Variants in NPC1L1 observed in about 807,000 individuals in gnomAD.
NPC1L1 encodes NPC1-like intracellular cholesterol transporter 1.
A neutral mutation model predicts 117.0 loss-of-function variants in NPC1L1; 98 were observed. The ratio of observed to expected loss-of-function variants is 0.84; its 90% CI spans 0.71 to 0.99. NPC1L1 has a LOEUF of 0.99. Among genes scored for constraint, NPC1L1 ranks in the 50% least tolerant of loss-of-function variants. NPC1L1 has a pLI of 0.00. For synonymous variants in NPC1L1, 729 were observed against 727.6 expected (o/e 1.00, Z -0.03); for missense variants, 1,540 against 1,710.0 (o/e 0.90, Z 1.75).
chr7:44,533,898 A>G, intron 6 of NPC1L1, 45 bp from the exon 7 acceptor site: 1 of 1,517,286 alleles, frequency 6.6e-7, no homozygotes, highest in Non-Finnish European at 9.0e-7. Flanking sequence ...CTCCAAGGGC[A>G]CCGCCCCTCA....
At position 44,516,157 on chromosome 7, in the gene NPC1L1, C is replaced by T. The variant is rs774455528; in HGVS notation, c.3560G>A (p.Arg1187His). The stretch of plus-strand genomic sequence containing the variant: ...GGGCTTGGTGCTGATGGCAAAGGAG[C>T]GGGTAATGTGGGACACAAACTCCAC... ...MSVEFVSHIT[R>H]SFAISTKPTW... Residue 1187 changes from arginine to histidine, a missense_variant, in exon 17 of 19, where the codon CGC becomes CAC. Arg to His is a conservative substitution (Grantham distance 29). Coordinates refer to ENST00000381160, the MANE Select transcript of NPC1L1 (RefSeq NM_001101648.2). 71 of 1,611,630 alleles carry T rather than the reference C, an allele frequency of 4.4e-5. No homozygotes were observed. The highest frequency in any genetic ancestry group is 1.6e-4 in the Middle Eastern group (1 of 6,074).
chr7:44,513,724 C>G, intron 18 of NPC1L1, 75 bp from the exon 19 acceptor site: 1 of 1,527,658 alleles, frequency 6.5e-7, no homozygotes, highest in Non-Finnish European at 8.9e-7. Context: ...TGGTTCTGTA[C>G]AACAAACCCA....
Position 44,531,802 on chromosome 7 carries a change from T to C in NPC1L1, c.2590A>G (p.Met864Val), listed in dbSNP as rs1023071116. ...LALFGVSLYS[M>V]CHISVGLDQE... ...TCCAGTCCCACGCTGATGTGGCACA[T>C]GGAGTAGAGGCTCACTCCGAACAGG... is the stretch of plus-strand genomic sequence containing the variant. Residue 864 changes from methionine to valine, a missense_variant, in exon 10 of 19, where the codon ATG becomes GTG. By Grantham distance (21) the Met-to-Val change is conservative. Around this residue, in one of 3 missense-constraint regions of NPC1L1, gnomAD observed 742 missense variants for 873.6 expected, o/e 0.85. Transcript: ENST00000381160. The C allele has an allele frequency of 1.3e-6, 2 of 1,590,198 alleles. No individual in the cohort carries two copies. Among genetic ancestry groups the C allele is most frequent in the Non-Finnish European group, 1.7e-6 (2 of 1,168,692 alleles).
In NPC1L1 at chr7:44,536,296, C is replaced by T. The variant is rs147574129; in HGVS notation, c.1814G>A (p.Arg605His). Reference sequence around the variant, plus strand: ...GACCTGGAACATGCCAGCCATCCGACGCTGGAAGGCTCGCATTTCCTCTAA... The same window carrying T: ...GACCTGGAACATGCCAGCCATCCGATGCTGGAAGGCTCGCATTTCCTCTAA... Reference protein sequence around the residue: ...AFLEEMRAFQRRMAGMFQVTF... With the variant: ...AFLEEMRAFQHRMAGMFQVTF... Residue 605 changes from arginine (R) to histidine (H), a missense_variant, in exon 4 of 19, where the codon CGT (arginine) becomes CAT (histidine). Arg to His is a conservative substitution (Grantham distance 29). Coordinates refer to ENST00000381160, the MANE Select transcript of NPC1L1 (RefSeq NM_001101648.2). The surrounding 1 kb of genome is among the most constrained non-coding windows in gnomAD (Gnocchi z 4.7). 23 of 1,614,110 alleles carry T rather than the reference C, an allele frequency of 1.4e-5. No homozygotes were observed. Among genetic ancestry groups the T allele is most frequent in the African/African-American group, 9.3e-5 (7 of 74,952 alleles).
At position 44,513,176 on chromosome 7, in the gene NPC1L1, T is replaced by G. The variant is rs981578602; in HGVS notation, c.*271A>C. ...GTGGGACAAACATGGAGTGTGTCTGTTCCTGCCAACTTCCAGACCCAGGCC... is the reference window on the plus strand; with the variant it reads ...GTGGGACAAACATGGAGTGTGTCTGGTCCTGCCAACTTCCAGACCCAGGCC... On this transcript the variant is annotated 3_prime_UTR_variant, in exon 19 of 19. Coordinates refer to ENST00000381160, the MANE Select transcript of NPC1L1 (RefSeq NM_001101648.2). The G allele has an allele frequency of 3.9e-5, 20 of 514,630 alleles. No individual in the cohort carries two copies. The highest frequency in any genetic ancestry group is 3.5e-4 in the African/African-American group (18 of 52,122). 31.9% of individuals were successfully genotyped at this position (514,630 alleles called of 1,614,324 possible).
intron 14 of NPC1L1, among the ~76,000 whole-genome samples, chr7:44,518,894 G>A (rs1172553950): frequency 6.6e-6 from 1 of 152,090 alleles, no homozygotes; most frequent in East Asian, 1.9e-4. Context: ...TTCGGGGTCT[G>A]CAAAGTCTTG....
chr7:44,530,033 CAA>C (rs112517128), intron 10 of NPC1L1, among the ~76,000 whole-genome samples: 1 of 125,334 alleles, frequency 8.0e-6, no homozygotes. Flanking sequence ...GACTCCATCT[CAA>C]AAAAAAAAAG....
In NPC1L1 at chr7:44,540,174, G is replaced by T. The variant is rs767082316; in HGVS notation, c.223C>A (p.Gln75Lys). 6.2e-7 allele frequency: 1 copy of T among 1,613,600 alleles called. No individual in the cohort carries two copies. Among genetic ancestry groups the T allele is most frequent in the Non-Finnish European group, 8.5e-7 (1 of 1,179,850 alleles). The change falls in exon 2 of 19, where the codon CAG (glutamine) becomes AAG (lysine). Residue 75 changes from glutamine (Q) to lysine (K), a missense_variant. Transcript: ENST00000381160. ...KITGDHLILL[Q>K]KICPRLYTGP... ...GTGTAGAGGCGGGGGCAGATCTTCT[G>T]TAATAGGATCAGGTGATCACCTGTG...
intron 10 of NPC1L1, among the ~76,000 whole-genome samples, chr7:44,525,377 C>T (rs1801480062): frequency 6.6e-6 from 1 of 152,148 alleles, no homozygotes; most frequent in African/African-American, 2.4e-5. Context: ...CCTGCCTCAG[C>T]CTCCCAAGTA....
chr7:44,520,742 C>G (rs760714167), intron 14 of NPC1L1, 23 bp downstream of exon 14: 204 of 1,611,004 alleles, frequency 1.3e-4, no homozygotes, highest in Admixed American at 3.0e-4. Context: ...TATGTCCTCC[C>G]CTCCAGGCAA....
Position 44,540,149 on chromosome 7 carries a change from G to C in NPC1L1, c.248C>G (p.Thr83Ser), listed in dbSNP as rs2117087331. Residue 83 changes from threonine (T) to serine (S), a missense_variant, in exon 2 of 19, where the codon ACC (threonine) becomes AGC (serine). Physicochemically the swap from Thr to Ser is moderately conservative, Grantham distance 58. Transcript: ENST00000381160. ...GCAGCAGGCTTGGGTGTTGGGGCCG[G>C]TGTAGAGGCGGGGGCAGATCTTCTG... ...LLQKICPRLY[T>S]GPNTQACCSA... The C allele has an allele frequency of 3.7e-6, 6 of 1,614,170 alleles. No homozygotes were observed. Among genetic ancestry groups the C allele is most frequent in the African/African-American group, 2.7e-5 (2 of 75,034 alleles).
chr7:44,515,686 T>C, intron 18 of NPC1L1, 117 bp downstream of exon 18: 1 of 1,248,138 alleles, frequency 8.0e-7, no homozygotes, highest in East Asian at 2.3e-5. Flanking sequence ...AGTCCTGGCT[T>C]CTGACATCTG....
chr7:44,526,546 C>CAAAAAAAAAAAAAA (rs372498105), intron 10 of NPC1L1, among the ~76,000 whole-genome samples: 10 of 68,336 alleles, frequency 1.5e-4, no homozygotes, highest in African/African-American at 6.3e-4. Context: ...GACTCCATCT[C>CAAAAAAAAAAAAAA]AAAAAAAAAA....
At chr7:44,520,965 C>T (rs1170614889) in intron 13 of NPC1L1, 27 bp downstream of exon 13, 1 of 1,614,056 alleles carries the variant, frequency 6.2e-7, no homozygotes, top group African/African-American at 1.3e-5. Flanking sequence ...GTCTGTCCTC[C>T]CCAGCAGAAG....
chr7:44,539,273 A>T lies in NPC1L1; in HGVS notation c.1124T>A (p.Leu375His). Residue 375 changes from leucine (L) to histidine (H), a missense_variant, in exon 2 of 19, where the codon CTC becomes CAC. Physicochemically the swap from Leu to His is moderately conservative, Grantham distance 99. Around this residue, in one of 3 missense-constraint regions of NPC1L1, gnomAD observed 793 missense variants for 820.4 expected, o/e 0.97. Coordinates refer to ENST00000381160, the MANE Select transcript of NPC1L1 (RefSeq NM_001101648.2). The surrounding 1 kb of genome is among the most constrained non-coding windows in gnomAD (Gnocchi z 4.4). ...CCACAGCTCCACGGGGTCCGTAGTGAGTTCTGTAAAGACCAGGCCCGCTGC... is the reference window on the plus strand; with the variant it reads ...CCACAGCTCCACGGGGTCCGTAGTGTGTTCTGTAAAGACCAGGCCCGCTGC... ...ALAAGLVFTE[L>H]TTDPVELWSA... 6.2e-7 allele frequency: 1 copy of T among 1,614,022 alleles called. No homozygotes were observed. The highest frequency in any genetic ancestry group is 8.5e-7 in the Non-Finnish European group (1 of 1,180,022).
At chr7:44,518,485 T>C in intron 14 of NPC1L1, 1 of 234,184 alleles carries the variant, frequency 4.3e-6, no homozygotes, top group South Asian at 4.8e-5. Flanking sequence ...AGGTTGTTTC[T>C]TGGCGACACT....
chr7:44,518,687 T>C, intron 14 of NPC1L1: 1 of 1,251,900 alleles, frequency 8.0e-7, no homozygotes, highest in Non-Finnish European at 1.0e-6. Flanking sequence ...AAAAAAAAGT[T>C]ATTTCTTTAT....
chr7:44,529,330 T>C (rs1012048006), intron 10 of NPC1L1, among the ~76,000 whole-genome samples: 8 of 150,364 alleles, frequency 5.3e-5, no homozygotes, highest in East Asian at 1.9e-4. Context: ...TCCATGTAAA[T>C]AGTAACCAAA....
chr7:44,523,497 A>G (rs958718695), intron 10 of NPC1L1, among the ~76,000 whole-genome samples: 15 of 152,210 alleles, frequency 9.9e-5, no homozygotes, highest in African/African-American at 2.7e-4. Flanking sequence ...CCCAGCCTCA[A>G]GGCATGCAGC....
Sources: allele counts gnomAD v4.1 joint callset (sites outside exome capture counted in the v4.1 genomes callset), GRCh38; gene constraint gnomAD v4.1.1; regional missense constraint gnomAD v4.1.1; non-coding constraint Gnocchi (gnomAD v3.1); transcripts MANE v1.5; gene names NCBI Gene and HGNC (gene_info 2026-07-23, HGNC 2026-07-21).